Variants in EBF3 observed in about 807,000 individuals in gnomAD.
EBF3 encodes transcription factor COE3.
A neutral mutation model predicts 77.1 loss-of-function variants in EBF3; 18 were observed. The observed-to-expected ratio is 0.23, with a 90% CI of 0.16 to 0.35. The LOEUF (loss-of-function observed/expected upper bound fraction) is 0.35, where lower values mean the gene tolerates loss of function less well. Ranked by LOEUF, EBF3 falls within the 10% of genes least tolerant of loss-of-function variation. EBF3 has a pLI of 1.00. For synonymous variants in EBF3, 350 were observed against 343.5 expected (o/e 1.02, Z -0.21); for missense variants, 558 against 860.0 (o/e 0.65, Z 4.39).
chr10:129,962,020 T>C (rs552529115), intron 4 of EBF3, 151 bp downstream of exon 4: 738 of 693,612 alleles, frequency 1.1e-3, no homozygotes, highest in Non-Finnish European at 1.5e-3. Context: ...GCTTCATTCA[T>C]TCCAATAAAT....
chr10:129,921,899 C>T (rs1193883917), intron 6 of EBF3, among the ~76,000 whole-genome samples: 1 of 152,240 alleles, frequency 6.6e-6, no homozygotes, highest in Non-Finnish European at 1.5e-5. Flanking sequence ...CCAGCCACAT[C>T]CGCCCAAGCC....
intron 6 of EBF3, among the ~76,000 whole-genome samples, chr10:129,946,587 CCAAGA>C (rs1858242965): frequency 6.6e-6 from 1 of 152,176 alleles, no homozygotes; most frequent in African/African-American, 2.4e-5. Context: ...ATATTCTGAA[CCAAGA>C]CAAGTTTATT....
chr10:129,860,554 C>T (rs1002607039), intron 10 of EBF3, among the ~76,000 whole-genome samples: 2 of 152,188 alleles, frequency 1.3e-5, no homozygotes, highest in African/African-American at 4.8e-5. Context: ...ATGAGAGCAG[C>T]CAATCGGGGT....
At chr10:129,953,663 G>A (rs1183327008) in intron 6 of EBF3, among the ~76,000 whole-genome samples, 3 of 152,306 alleles carry the variant, frequency 2.0e-5, no homozygotes, top group South Asian at 2.1e-4. Context: ...GCGTGTGCCC[G>A]GCCTGCCTGG....
In EBF3 at chr10:129,840,428, G is replaced by C. The variant is rs1405892839; in HGVS notation, c.1576C>G (p.Pro526Ala). ...NSPYGIVPSS[P>A]TMAASSVTLP... ...GTGACCGAAGAGGCTGCCATGGTGG[G>C]GCTGGACGGCACTACTGCAACAAAG... The change falls in exon 15 of 17, where the codon CCC (proline) becomes GCC (alanine). Residue 526 changes from proline (P) to alanine (A), a missense_variant. Pro to Ala is a conservative substitution (Grantham distance 27). Transcript: ENST00000440978. 1 of 1,551,380 alleles carries C rather than the reference G, an allele frequency of 6.4e-7. No individual in the cohort carries two copies. Among genetic ancestry groups the C allele is most frequent in the Non-Finnish European group, 8.7e-7 (1 of 1,146,996 alleles).
intron 10 of EBF3, among the ~76,000 whole-genome samples, chr10:129,865,423 T>C (rs971643996): frequency 6.6e-6 from 1 of 152,184 alleles, no homozygotes; most frequent in Non-Finnish European, 1.5e-5. Flanking sequence ...GAGTCTTACA[T>C]GGAAGCCAAG....
intron 5 of EBF3, among the ~76,000 whole-genome samples, chr10:129,958,236 T>G (rs1287461563): frequency 6.6e-6 from 1 of 152,248 alleles, no homozygotes; most frequent in Non-Finnish European, 1.5e-5. Context: ...AGTATGCCCC[T>G]CAGAGTATGC....
intron 6 of EBF3, among the ~76,000 whole-genome samples, chr10:129,896,904 G>A (rs1258274989): frequency 3.3e-5 from 5 of 152,126 alleles, no homozygotes; most frequent in Non-Finnish European, 2.9e-5. Context: ...TGCCCACGCC[G>A]CCACCCCAGG....
Position 129,864,420 on chromosome 10 carries a change from C to T in EBF3, c.1039+2721G>A, listed in dbSNP as rs904716436. On this transcript the variant is annotated intron_variant, in intron 10 of 16. Coordinates refer to ENST00000440978, the MANE Select transcript of EBF3 (RefSeq NM_001375380.1). This position sits in a 1 kb window ranked among gnomAD's most constrained non-coding sequence, Gnocchi z 4.4. ...AGGCCTTTCTCTGCAGCACTGGGGACAGAATCCCCAGGAGACAGCAGGCAA... is the reference window on the plus strand; with the variant it reads ...AGGCCTTTCTCTGCAGCACTGGGGATAGAATCCCCAGGAGACAGCAGGCAA... 6.6e-6 allele frequency among the ~76,000 whole-genome samples: 1 copy of T among 152,204 alleles called. No homozygotes were observed. The highest frequency in any genetic ancestry group is 2.4e-5 in the African/African-American group (1 of 41,456).
intron 6 of EBF3, among the ~76,000 whole-genome samples, chr10:129,940,699 AG>A (rs1288655503): frequency 1.3e-5 from 2 of 152,204 alleles, no homozygotes; most frequent in African/African-American, 4.8e-5. Flanking sequence ...GCTAGGAAGT[AG>A]GGGGCTGGCA....
At position 129,913,831 on chromosome 10, in the gene EBF3, CCATCTTCT is replaced by C. The variant is rs201002973; in HGVS notation, c.555-35990_555-35983del. Among the ~76,000 whole-genome samples the C allele has an allele frequency of 8.9e-3, 1,355 of 152,314 alleles. 19 individuals are homozygous for C. Among genetic ancestry groups the C allele is most frequent in the African/African-American group, 0.028 (1,183 of 41,564 alleles). ...AGGCAGGACTCGGCCAGGCCAGGTG[CCATCTTCT>C]CATCTTCTCATCTAAATCCCAGACT... On this transcript the variant is annotated intron_variant, in intron 6 of 16. Coordinates refer to ENST00000440978, the MANE Select transcript of EBF3 (RefSeq NM_001375380.1).
At chr10:129,919,504 G>A (rs555682230) in intron 6 of EBF3, among the ~76,000 whole-genome samples, 1 of 152,204 alleles carries the variant, frequency 6.6e-6, no homozygotes, top group East Asian at 1.9e-4. Context: ...TGCTGAAAGG[G>A]GCCAACAACT....
chr10:129,938,704 G>A lies in EBF3; in HGVS notation c.554+18554C>T, dbSNP rs1462755120. 4.6e-5 allele frequency among the ~76,000 whole-genome samples: 7 copies of A among 152,190 alleles called. No homozygotes were observed. The highest frequency in any genetic ancestry group is 1.4e-4 in the African/African-American group (6 of 41,460). On this transcript the variant is annotated intron_variant, in intron 6 of 16. Coordinates refer to ENST00000440978, the MANE Select transcript of EBF3 (RefSeq NM_001375380.1). The surrounding 1 kb of genome is among the most constrained non-coding windows in gnomAD (Gnocchi z 5.1). ...CGAGAAAGGTGCGGCTGCAACCGAC[G>A]AGCACTGCCTTGTGTCCTGGGACCT...
intron 6 of EBF3, among the ~76,000 whole-genome samples, chr10:129,930,879 A>G (rs1856977390): frequency 7.5e-6 from 1 of 132,756 alleles, no homozygotes; most frequent in Non-Finnish European, 1.6e-5. Flanking sequence ...TCCCCCTCTC[A>G]TATACCTATA....
In EBF3 at chr10:129,841,048, C is replaced by CCCA; in HGVS notation, c.1373-17_1373-16insTGG. 9 of 1,602,190 alleles carry CCCA rather than the reference C, an allele frequency of 5.6e-6. No individual in the cohort carries two copies. Among genetic ancestry groups the CCCA allele is most frequent in the South Asian group, 2.2e-5 (2 of 89,684 alleles). The stretch of plus-strand genomic sequence containing the variant: ...CTGTAGCCGACTGTTGAAATCCCCC[C>CCCA]CCCGGCCAAAAATAACATTATTATC... On this transcript the variant is annotated splice_polypyrimidine_tract_variant and intron_variant, in intron 13 of 16. Coordinates refer to ENST00000440978, the MANE Select transcript of EBF3 (RefSeq NM_001375380.1). This position sits in a 1 kb window ranked among gnomAD's most constrained non-coding sequence, Gnocchi z 4.6.
intron 8 of EBF3, among the ~76,000 whole-genome samples, chr10:129,869,413 C>T (rs1319822888): frequency 6.6e-6 from 1 of 152,076 alleles, no homozygotes; most frequent in Non-Finnish European, 1.5e-5. Flanking sequence ...CCGCCAGCTC[C>T]TGGCTTTGCT....
At position 129,935,988 on chromosome 10, in the gene EBF3, C is replaced by CG. The variant is rs1262815224; in HGVS notation, c.554+21269_554+21270insC. ...GGGCTTCCTGAAGCTGCCCCCCCCG[C>CG]CCAACAATGCAGCTGGTGCCCAGGG... On this transcript the variant is annotated intron_variant, in intron 6 of 16. Coordinates refer to ENST00000440978, the MANE Select transcript of EBF3 (RefSeq NM_001375380.1). This position sits in a 1 kb window ranked among gnomAD's most constrained non-coding sequence, Gnocchi z 4.2. 3.5e-4 allele frequency among the ~76,000 whole-genome samples: 48 copies of CG among 138,298 alleles called. No homozygotes were observed. The highest frequency in any genetic ancestry group is 1.4e-3 in the Admixed American group (21 of 14,732). 90.7% of individuals were successfully genotyped at this position (138,298 alleles called of 152,430 possible).
At chr10:129,855,140 G>A (rs896327087) in intron 10 of EBF3, among the ~76,000 whole-genome samples, 4 of 152,210 alleles carry the variant, frequency 2.6e-5, no homozygotes, top group Non-Finnish European at 4.4e-5. Context: ...TATTTCTGTC[G>A]AAAAGTCTTC....
At chr10:129,871,735 AAAAT>A (rs1852421489) in intron 8 of EBF3, among the ~76,000 whole-genome samples, 1 of 152,206 alleles carries the variant, frequency 6.6e-6, no homozygotes, top group South Asian at 2.1e-4. Context: ...TAATTACAAA[AAAAT>A]AAATAACCCT....
Sources: allele counts gnomAD v4.1 joint callset (sites outside exome capture counted in the v4.1 genomes callset), GRCh38; gene constraint gnomAD v4.1.1; non-coding constraint Gnocchi (gnomAD v3.1); transcripts MANE v1.5; gene names NCBI Gene and HGNC (gene_info 2026-07-23, HGNC 2026-07-21).